The following TP53BP1 variants were observed in gnomAD, a reference collection of about 807,000 sequenced individuals.
TP53BP1 encodes the protein TP53-binding protein 1.
A neutral mutation model predicts 200.8 loss-of-function variants in TP53BP1; 61 were observed. That is an observed-to-expected ratio of 0.30 (90% CI 0.25 to 0.38). TP53BP1 has a LOEUF of 0.38. Among genes scored for constraint, TP53BP1 ranks in the 10% least tolerant of loss-of-function variants. The pLI is 1.00. For missense variants in TP53BP1, 2,144 were observed against 2,371.9 expected, an observed-to-expected ratio of 0.90 and a Z score of 2.00; for synonymous variants, 822 against 844.3, an observed-to-expected ratio of 0.97 and a Z score of 0.46.
intron 8 of TP53BP1, among the ~76,000 whole-genome samples, chr15:43,476,124 G>A (rs1398402926): frequency 6.6e-6 from 1 of 152,176 alleles, no homozygotes; most frequent in Admixed American, 6.5e-5. Flanking sequence ...AATTAGCTGG[G>A]CGTGGTGGTA....
At chr15:43,475,770 G>A in intron 8 of TP53BP1, 76 bp from the exon 9 acceptor site, 1 of 1,504,802 alleles carries the variant, frequency 6.6e-7, no homozygotes, top group East Asian at 2.3e-5. Context: ...GTACTGCAAA[G>A]AGTAATATCC....
At chr15:43,488,141 G>C (rs1024424591) in intron 4 of TP53BP1, among the ~76,000 whole-genome samples, 3 of 151,680 alleles carry the variant, frequency 2.0e-5, no homozygotes, top group Non-Finnish European at 4.4e-5. Context: ...TCTACAAAAA[G>C]TTAAAAAATT....
rs2046289083 is a variant in TP53BP1, at chr15:43,456,123, C to T, written c.2485G>A (p.Glu829Lys). The T allele has an allele frequency of 2.5e-6, 4 of 1,614,112 alleles. No individual in the cohort carries two copies. The highest frequency in any genetic ancestry group is 3.4e-6 in the Non-Finnish European group (4 of 1,180,060). ...GDLKSGTAET[E>K]PVEQDSSQPS... ...TGTGAAGAATCTTGCTCTACAGGTT[C>T]TGTTTCTGCAGTCCCTGATTTCAGA... Residue 829 changes from glutamate (E) to lysine (K), a missense_variant, in exon 12 of 28, where the codon GAA becomes AAA. Coordinates refer to ENST00000382044, the MANE Select transcript of TP53BP1 (RefSeq NM_001141980.3).
intron 20 of TP53BP1, 58 bp from the exon 21 acceptor site, chr15:43,420,793 T>C (rs922337280): frequency 2.1e-5 from 31 of 1,485,160 alleles, no homozygotes; most frequent in Non-Finnish European, 2.6e-5. Context: ...GAAGTATATA[T>C]CTACCAATTT....
At chr15:43,506,301 G>A (rs1396806531) in intron 1 of TP53BP1, among the ~76,000 whole-genome samples, 1 of 152,162 alleles carries the variant, frequency 6.6e-6, no homozygotes, top group Admixed American at 6.5e-5. Flanking sequence ...AAAACTTAGA[G>A]ATGCCCTTCC....
Position 43,405,331 on chromosome 15 carries a change from C to A in TP53BP1, c.*2052G>T. 8.5e-7 allele frequency: 1 copy of A among 1,171,692 alleles called. No homozygotes were observed. The highest frequency in any genetic ancestry group is 1.3e-5 in the South Asian group (1 of 76,280). The allele number at this position is 1,171,692 out of a possible 1,614,324, so 72.6% of individuals were successfully genotyped here. On this transcript the variant is annotated 3_prime_UTR_variant, in exon 28 of 28. Coordinates refer to ENST00000382044, the MANE Select transcript of TP53BP1 (RefSeq NM_001141980.3). ...ATATCTGCGGCTTAGTGATAGGACT[C>A]TACCTTTTCTCCTAGAAGCAGTTAC...
chr15:43,501,243 C>T (rs1258874505), intron 1 of TP53BP1, among the ~76,000 whole-genome samples: 1 of 149,946 alleles, frequency 6.7e-6, no homozygotes, highest in Non-Finnish European at 1.5e-5. Context: ...GCTCTGTGGC[C>T]GAGGCTAGAG....
rs1032388371 is a variant in TP53BP1, at chr15:43,507,787, G to C, written c.-9+2583C>G. Among the ~76,000 whole-genome samples, 4 of 151,586 alleles carry C rather than the reference G, an allele frequency of 2.6e-5. No homozygotes were observed. In the South Asian group the frequency reaches 8.3e-4, roughly 32 times the overall value. Reference sequence around the variant, plus strand: ...TGCCCAAGCTAGAGCGCAGTGGCGAGATCTCGGCTCACTGCCTCCTGGGCT... The same window carrying C: ...TGCCCAAGCTAGAGCGCAGTGGCGACATCTCGGCTCACTGCCTCCTGGGCT... On this transcript the variant is annotated intron_variant, in intron 1 of 27. Transcript: ENST00000263801.
Position 43,456,398 on chromosome 15 carries a change from G to A in TP53BP1, c.2210C>T (p.Ala737Val). The A allele has an allele frequency of 6.2e-7, 1 of 1,600,272 alleles. No individual in the cohort carries two copies. The highest frequency in any genetic ancestry group is 1.8e-5 in the Admixed American group (1 of 57,072). The stretch of plus-strand genomic sequence containing the variant: ...ATGTTCCAATTCTTGGTCAAGTATT[G>A]CCAACTTTTGAGGGGAATCAATACT... ...VISIDSPQKL[A>V]ILDQELEHKE... Residue 737 changes from alanine to valine, a missense_variant, in exon 12 of 28, where the codon GCA becomes GTA. By Grantham distance (64) the Ala-to-Val change is moderately conservative (BLOSUM62 0). Coordinates refer to ENST00000382044, the MANE Select transcript of TP53BP1 (RefSeq NM_001141980.3).
At chr15:43,469,416 T>G (rs2140090681) in intron 11 of TP53BP1, among the ~76,000 whole-genome samples, 1 of 152,096 alleles carries the variant, frequency 6.6e-6, no homozygotes, top group Admixed American at 6.5e-5. Flanking sequence ...AAAAAGAAAA[T>G]TAAAGTTGTG....
At chr15:43,502,517 C>T (rs928568595) in intron 1 of TP53BP1, among the ~76,000 whole-genome samples, 12 of 151,406 alleles carry the variant, frequency 7.9e-5, no homozygotes, top group African/African-American at 2.9e-4. Flanking sequence ...TGCAGTAGCG[C>T]GATCTTGGCT....
rs1019538068 is a variant in TP53BP1, at chr15:43,491,314, C to G, written c.371+355G>C. Among the ~76,000 whole-genome samples the G allele has an allele frequency of 2.6e-5, 4 of 152,132 alleles. No homozygotes were observed. The East Asian group carries it at 7.7e-4, about 29-fold the overall frequency. ...CAGGCTGGTCTCAAACTCCTGACCT[C>G]AAGTGATCCATCCGCCTCAGCCTCT... On this transcript the variant is annotated intron_variant, in intron 4 of 27. Coordinates refer to ENST00000382044, the MANE Select transcript of TP53BP1 (RefSeq NM_001141980.3).
intron 12 of TP53BP1, among the ~76,000 whole-genome samples, chr15:43,449,479 C>T (rs1321035431): frequency 6.6e-6 from 1 of 152,174 alleles, no homozygotes. Flanking sequence ...GTTTCCTTTG[C>T]ACAGTATTAC....
In TP53BP1 at chr15:43,420,747, T is replaced by G. The variant is rs1395709781; in HGVS notation, c.4251-12A>C. On this transcript the variant is annotated splice_polypyrimidine_tract_variant and intron_variant, in intron 20 of 27. Transcript: ENST00000382044. Reference sequence around the variant, plus strand: ...GCACAGCTGTTTCTCTAAAGAGAGATAGGGGATAGGAGAAGCCGGTGAGAA... The same window carrying G: ...GCACAGCTGTTTCTCTAAAGAGAGAGAGGGGATAGGAGAAGCCGGTGAGAA... The G allele has an allele frequency of 8.1e-6, 13 of 1,607,036 alleles. No individual in the cohort carries two copies. The highest frequency in any genetic ancestry group is 2.2e-5 in the East Asian group (1 of 44,848).
At position 43,455,962 on chromosome 15, in the gene TP53BP1, T is replaced by G; in HGVS notation, c.2646A>C (p.Ser882=). The G allele has an allele frequency of 6.2e-7, 1 of 1,614,194 alleles. No homozygotes were observed. The highest frequency in any genetic ancestry group is 8.5e-7 in the Non-Finnish European group (1 of 1,180,036). ...SKMANAKQLS[S]DAEAQKLGKP... ...TCCCCAGCTTCTGGGCCTCTGCATCTGAGCTTAGCTGCTTTGCATTAGCCA... is the reference window on the plus strand; with the variant it reads ...TCCCCAGCTTCTGGGCCTCTGCATCGGAGCTTAGCTGCTTTGCATTAGCCA... The change falls in exon 12 of 28, where the codon TCA becomes TCC. Residue 882 remains serine, a synonymous_variant. Coordinates refer to ENST00000382044, the MANE Select transcript of TP53BP1 (RefSeq NM_001141980.3).
intron 8 of TP53BP1, 76 bp from the exon 9 acceptor site, chr15:43,475,770 G>C (rs2078872075): frequency 1.3e-6 from 2 of 1,504,684 alleles, no homozygotes; most frequent in African/African-American, 1.4e-5. Flanking sequence ...GTACTGCAAA[G>C]AGTAATATCC....
chr15:43,410,241 T>A (rs1347045141), intron 24 of TP53BP1, among the ~76,000 whole-genome samples: 1 of 152,224 alleles, frequency 6.6e-6, no homozygotes, highest in Non-Finnish European at 1.5e-5. Flanking sequence ...TTTTACCCCC[T>A]TGTACAACTA....
At chr15:43,413,892 G>A (rs1032144065) in intron 23 of TP53BP1, among the ~76,000 whole-genome samples, 31 of 152,158 alleles carry the variant, frequency 2.0e-4, no homozygotes, top group African/African-American at 7.5e-4. Context: ...GAGAATACTT[G>A]GTAATAAAGT....
chr15:43,468,650 C>T (rs1263826290), intron 11 of TP53BP1, among the ~76,000 whole-genome samples: 1 of 110,660 alleles, frequency 9.0e-6, no homozygotes, highest in Admixed American at 7.6e-5. Flanking sequence ...CAACAGCTAC[C>T]CTTATATGCA....
Sources: allele counts gnomAD v4.1 joint callset (sites outside exome capture counted in the v4.1 genomes callset), GRCh38; gene constraint gnomAD v4.1.1; transcripts MANE v1.5; gene names NCBI Gene and HGNC (gene_info 2026-07-23, HGNC 2026-07-21).